The following GRID2 variants were observed in gnomAD, a reference collection of about 807,000 sequenced individuals.
The protein encoded by GRID2 is glutamate ionotropic receptor delta type subunit 2, also known as glutamate receptor ionotropic, delta-2.
GRID2 carries 33 observed loss-of-function variants against 114.8 expected under a neutral mutation model. The ratio of observed to expected loss-of-function variants is 0.29; its 90% CI spans 0.22 to 0.38. The LOEUF (loss-of-function observed/expected upper bound fraction) is 0.38. GRID2 is among the 10% of genes least tolerant of loss of function. The pLI is 1.00. For missense variants in GRID2, 1,184 were observed against 1,257.7 expected (o/e 0.94, Z 0.89); for synonymous variants, 505 against 449.9 (o/e 1.12, Z -1.55).
intron 2 of GRID2, among the ~76,000 whole-genome samples, chr4:92,832,282 A>C (rs1341872721): frequency 6.6e-6 from 1 of 152,092 alleles, no homozygotes; most frequent in African/African-American, 2.4e-5. Context: ...TTTACTAAAA[A>C]TTAAAAAAAT....
chr4:93,793,266 T>C (rs1734732478), intron 1 of GRID2, among the ~76,000 whole-genome samples: 1 of 152,174 alleles, frequency 6.6e-6, no homozygotes, highest in African/African-American at 2.4e-5. Context: ...AGAAAATGTC[T>C]ATACTACAGA....
At chr4:92,405,644 GA>G (rs1029039908) in intron 1 of GRID2, among the ~76,000 whole-genome samples, 1 of 149,328 alleles carries the variant, frequency 6.7e-6, no homozygotes, top group African/African-American at 2.5e-5. Context: ...ATACATAAGG[GA>G]AAAAAGTTGA....
At chr4:93,712,113 A>T (rs1027636361) in intron 14 of GRID2, among the ~76,000 whole-genome samples, 5 of 152,016 alleles carry the variant, frequency 3.3e-5, no homozygotes, top group African/African-American at 1.2e-4. Flanking sequence ...ACATATTTAC[A>T]ATATTTTTTC....
chr4:93,384,122 G>A (rs1488430704), intron 8 of GRID2, among the ~76,000 whole-genome samples: 2 of 152,154 alleles, frequency 1.3e-5, no homozygotes, highest in Non-Finnish European at 2.9e-5. Flanking sequence ...GGGGTGAACA[G>A]TATCCTCACA....
intron 2 of GRID2, among the ~76,000 whole-genome samples, chr4:92,669,676 C>A (rs1030220951): frequency 6.6e-6 from 1 of 151,902 alleles, no homozygotes; most frequent in African/African-American, 2.4e-5. Context: ...ACTAATAGCG[C>A]CCTTTCCTTT....
intron 1 of GRID2, among the ~76,000 whole-genome samples, chr4:92,540,774 C>G (rs564357581): frequency 2.0e-5 from 3 of 152,132 alleles, no homozygotes; most frequent in Admixed American, 1.3e-4. Context: ...ACCATTTGAC[C>G]CAGCCATCCC....
chr4:92,595,175 A>C (rs1249249285), intron 2 of GRID2, among the ~76,000 whole-genome samples: 2 of 152,034 alleles, frequency 1.3e-5, no homozygotes, highest in Non-Finnish European at 2.9e-5. Context: ...CTATAAAGTC[A>C]CAAATGATTC....
intron 2 of GRID2, among the ~76,000 whole-genome samples, chr4:92,620,994 C>A (rs1730246112): frequency 9.3e-6 from 1 of 107,782 alleles, no homozygotes; most frequent in South Asian, 3.3e-4. Context: ...ATAAAGAATG[C>A]CAAAAAAAAA....
At chr4:93,188,743 G>A (rs531039682) in intron 4 of GRID2, among the ~76,000 whole-genome samples, 1 of 152,162 alleles carries the variant, frequency 6.6e-6, no homozygotes, top group Admixed American at 6.6e-5. Flanking sequence ...GCAATTTAGA[G>A]AAGCCATGCT....
At chr4:93,656,519 T>C (rs1278395099) in intron 14 of GRID2, among the ~76,000 whole-genome samples, 1 of 152,016 alleles carries the variant, frequency 6.6e-6, no homozygotes. Flanking sequence ...TTCATCAACA[T>C]GTAAATACCT....
At chr4:93,724,689 GAGAGA>G (rs947645789) in intron 14 of GRID2, among the ~76,000 whole-genome samples, 10 of 152,264 alleles carry the variant, frequency 6.6e-5, no homozygotes, top group Admixed American at 6.5e-4. Flanking sequence ...AATGAGTGGG[GAGAGA>G]AGAGGAGGGA....
rs1044486119 is a variant in GRID2 at position 93,676,705 on chromosome 4, C to T, written c.2360+50270C>T. On this transcript the variant is annotated intron_variant, in intron 14 of 15. Coordinates refer to ENST00000282020, the MANE Select transcript of GRID2 (RefSeq NM_001510.4). ...AATGAGAACATTGTGCACATATACCCTAAAACTTAAAATATAATAATAATG... is the reference window on the plus strand; with the variant it reads ...AATGAGAACATTGTGCACATATACCTTAAAACTTAAAATATAATAATAATG... 2.7e-5 allele frequency among the ~76,000 whole-genome samples: 4 copies of T among 146,940 alleles called. No individual in the cohort carries two copies. In the East Asian group the frequency reaches 7.9e-4, roughly 29 times the overall value.
intron 1 of GRID2, among the ~76,000 whole-genome samples, chr4:93,800,896 A>G (rs1162079534): frequency 6.6e-6 from 1 of 152,230 alleles, no homozygotes; most frequent in Non-Finnish European, 1.5e-5. Context: ...GGCATAAAAT[A>G]TGCTGGAAAA....
intron 12 of GRID2, among the ~76,000 whole-genome samples, chr4:93,503,873 GA>G (rs1482496502): frequency 6.6e-6 from 1 of 151,988 alleles, no homozygotes; most frequent in Non-Finnish European, 1.5e-5. Flanking sequence ...AGACCTACTG[GA>G]CTGAGAAGAG....
chr4:93,437,511 G>A (rs1721209981), intron 10 of GRID2, among the ~76,000 whole-genome samples: 1 of 152,086 alleles, frequency 6.6e-6, no homozygotes, highest in Non-Finnish European at 1.5e-5. Context: ...TCAGATAGGA[G>A]TTCAGACAGA....
chr4:93,573,223 A>G (rs1736093852), intron 13 of GRID2, among the ~76,000 whole-genome samples: 1 of 152,158 alleles, frequency 6.6e-6, no homozygotes, highest in African/African-American at 2.4e-5. Flanking sequence ...ATTATCTTTC[A>G]TCACTAGGCC....
intron 2 of GRID2, among the ~76,000 whole-genome samples, chr4:92,824,571 A>G (rs1741555096): frequency 6.6e-6 from 1 of 151,738 alleles, no homozygotes; most frequent in Non-Finnish European, 1.5e-5. Context: ...GTTGAAAGCC[A>G]TTAATTGCTC....
intron 2 of GRID2, among the ~76,000 whole-genome samples, chr4:92,919,318 AT>A (rs1276831623): frequency 3.3e-5 from 5 of 151,966 alleles, no homozygotes; most frequent in East Asian, 1.9e-4. Flanking sequence ...GGATTCATTG[AT>A]TTTTTTAAAG....
rs1250900364 is a variant in GRID2 at position 92,746,403 on chromosome 4, C to A, written c.244+156117C>A. Among the ~76,000 whole-genome samples the A allele has an allele frequency of 2.0e-5, 3 of 152,122 alleles. No individual in the cohort carries two copies. In the East Asian group the frequency reaches 5.8e-4, roughly 29 times the overall value. On this transcript the variant is annotated intron_variant, in intron 2 of 15. Coordinates refer to ENST00000282020, the MANE Select transcript of GRID2 (RefSeq NM_001510.4). ...TGTAGTTTTATCCTATGATTAGTGGCCAAGAACAATATTAAAGCCAGACCA... is the reference window on the plus strand; with the variant it reads ...TGTAGTTTTATCCTATGATTAGTGGACAAGAACAATATTAAAGCCAGACCA...
Sources: allele counts gnomAD v4.1 joint callset (sites outside exome capture counted in the v4.1 genomes callset), GRCh38; gene constraint gnomAD v4.1.1; transcripts MANE v1.5; gene names NCBI Gene and HGNC (gene_info 2026-07-23, HGNC 2026-07-21).